The following SAMMSON variants were observed in gnomAD, a reference collection of about 807,000 sequenced individuals.
SAMMSON encodes the protein survival associated mitochondrial melanoma specific oncogenic non-coding RNA.
intron 6 of SAMMSON, among the ~76,000 whole-genome samples, chr3:70,253,305 G>C (rs1008292939): frequency 2.6e-5 from 4 of 152,104 alleles, no homozygotes; most frequent in South Asian, 2.1e-4. Flanking sequence ...TGGGGAATGG[G>C]AAGTGCAAGG....
intron 1 of SAMMSON, among the ~76,000 whole-genome samples, chr3:70,011,990 A>G (rs2066958057): frequency 1.3e-5 from 2 of 152,014 alleles, no homozygotes; most frequent in East Asian, 1.9e-4. Flanking sequence ...TAGAGGTGAT[A>G]TGGTCTTTAG....
intron 3 of SAMMSON, among the ~76,000 whole-genome samples, chr3:70,050,245 A>T (rs2107589005): frequency 6.6e-6 from 1 of 152,306 alleles, no homozygotes; most frequent in Non-Finnish European, 1.5e-5. Context: ...CGTTCTGTGT[A>T]AATGGCACAT....
intron 6 of SAMMSON, among the ~76,000 whole-genome samples, chr3:70,261,917 A>T (rs760932545): frequency 1.3e-5 from 2 of 152,038 alleles, no homozygotes; most frequent in African/African-American, 2.4e-5. Context: ...TTCATACCTT[A>T]CCATAAACGG....
At chr3:70,380,085 T>A (rs1015667472) in intron 9 of SAMMSON, among the ~76,000 whole-genome samples, 1 of 152,032 alleles carries the variant, frequency 6.6e-6, no homozygotes, top group African/African-American at 2.4e-5. Context: ...AATACATTTA[T>A]ATAAAGTGCT....
intron 9 of SAMMSON, among the ~76,000 whole-genome samples, chr3:70,358,664 A>G (rs1013677486): frequency 1.3e-5 from 2 of 152,110 alleles, no homozygotes; most frequent in Non-Finnish European, 1.5e-5. Flanking sequence ...ATAGGGGTAG[A>G]AAATATATCT....
intron 7 of SAMMSON, among the ~76,000 whole-genome samples, chr3:70,327,515 G>C (rs191893896): frequency 1.3e-5 from 2 of 152,170 alleles, no homozygotes; most frequent in African/African-American, 4.8e-5. Flanking sequence ...TCACATGTCT[G>C]TGTCCTGAAG....
At chr3:70,187,720 GCCA>G (rs1156695643) in intron 4 of SAMMSON, among the ~76,000 whole-genome samples, 1 of 151,824 alleles carries the variant, frequency 6.6e-6, no homozygotes, top group Non-Finnish European at 1.5e-5. Flanking sequence ...ACAGGCCTGA[GCCA>G]CCGCGCCCGG....
At chr3:70,155,488 T>C (rs1419188504) in intron 4 of SAMMSON, among the ~76,000 whole-genome samples, 1 of 152,058 alleles carries the variant, frequency 6.6e-6, no homozygotes, top group South Asian at 2.1e-4. Context: ...AAACAGTACC[T>C]GTCTGGGTAT....
intron 4 of SAMMSON, among the ~76,000 whole-genome samples, chr3:70,211,387 T>C (rs1335585288): frequency 8.3e-3 from 30 of 3,622 alleles, no homozygotes; most frequent in Admixed American, 0.028. Flanking sequence ...CTTTCCTTCC[T>C]TTCCCTTCCC....
At chr3:70,370,267 T>C (rs1470927790) in intron 9 of SAMMSON, among the ~76,000 whole-genome samples, 4 of 152,058 alleles carry the variant, frequency 2.6e-5, no homozygotes, top group African/African-American at 9.7e-5. Flanking sequence ...AGTGCTGCAA[T>C]AAACATGTGG....
intron 4 of SAMMSON, chr3:70,071,902 T>C (rs1308062671): frequency 6.6e-6 from 1 of 152,008 alleles, no homozygotes; most frequent in African/African-American, 2.4e-5. Flanking sequence ...TGACACTGAA[T>C]AGACAATGTT....
At chr3:70,418,665 A>C (rs1701284043) in intron 2 of SAMMSON, among the ~76,000 whole-genome samples, 1 of 152,146 alleles carries the variant, frequency 6.6e-6, no homozygotes, top group Admixed American at 6.5e-5. Context: ...CTCCTCTTCC[A>C]GCCACCTGCC....
chr3:70,206,809 A>G, intron 4 of SAMMSON: 1 of 397,368 alleles, frequency 2.5e-6, no homozygotes, highest in Non-Finnish European at 4.4e-6. Context: ...AAAAAGAAAA[A>G]ACACATACAG....
chr3:70,280,362 G>A (rs1195455029), intron 6 of SAMMSON, among the ~76,000 whole-genome samples: 1 of 152,020 alleles, frequency 6.6e-6, no homozygotes, highest in Non-Finnish European at 1.5e-5. Context: ...ATATGTACAG[G>A]TTCCAGGAAT....
At chr3:70,310,364 T>C (rs1443897670) in intron 7 of SAMMSON, among the ~76,000 whole-genome samples, 2 of 151,922 alleles carry the variant, frequency 1.3e-5, no homozygotes, top group South Asian at 4.1e-4. Flanking sequence ...TTTAATTTTA[T>C]GTATTATTAT....
At chr3:70,376,493 G>A (rs1480589986) in intron 9 of SAMMSON, among the ~76,000 whole-genome samples, 1 of 152,060 alleles carries the variant, frequency 6.6e-6, no homozygotes, top group Non-Finnish European at 1.5e-5. Flanking sequence ...CACATACATT[G>A]GTGCTATGTA....
At chr3:70,144,982 C>A (rs2067542064) in intron 4 of SAMMSON, among the ~76,000 whole-genome samples, 1 of 152,012 alleles carries the variant, frequency 6.6e-6, no homozygotes, top group African/African-American at 2.4e-5. Flanking sequence ...TCTCTTTTTG[C>A]TCCCTGTTGC....
chr3:70,001,141 T>C (rs1175984833), intron 1 of SAMMSON, among the ~76,000 whole-genome samples: 1 of 152,098 alleles, frequency 6.6e-6, no homozygotes, highest in African/African-American at 2.4e-5. Context: ...ATCCCCGAAC[T>C]TCTTAAAGAA....
At chr3:70,047,977 G>C (rs1464270412) in intron 3 of SAMMSON, among the ~76,000 whole-genome samples, 3 of 151,900 alleles carry the variant, frequency 2.0e-5, no homozygotes. Flanking sequence ...TGTTGTATTG[G>C]GGATTAAGTT....
Sources: allele counts gnomAD v4.1 joint callset (sites outside exome capture counted in the v4.1 genomes callset), GRCh38; gene constraint gnomAD v4.1.1; transcripts MANE v1.5; gene names NCBI Gene and HGNC (gene_info 2026-07-23, HGNC 2026-07-21).